The following PCDHA3 variants were observed in gnomAD, a reference collection of about 807,000 sequenced individuals.
The protein encoded by PCDHA3 is protocadherin alpha-3.
PCDHA3 carries 41 observed loss-of-function variants against 62.2 expected under a neutral mutation model. The observed-to-expected ratio is 0.66, with a 90% CI of 0.51 to 0.86. The LOEUF (loss-of-function observed/expected upper bound fraction) is 0.86, where lower values mean the gene tolerates loss of function less well. Ranked by LOEUF, PCDHA3 falls within the 40% of genes least tolerant of loss-of-function variation. The probability of loss-of-function intolerance (pLI) is 0.00; values close to 1 mark genes in which losing one functional copy is unlikely to be tolerated. For missense variants in PCDHA3, 1,304 were observed against 1,241.2 expected (o/e 1.05, Z -0.76); for synonymous variants, 640 against 555.4 (o/e 1.15, Z -2.14).
At chr5:140,939,243 T>C (rs1414943094) in intron 1 of PCDHA3, among the ~76,000 whole-genome samples, 1 of 152,168 alleles carries the variant, frequency 6.6e-6, no homozygotes, top group Non-Finnish European at 1.5e-5. Context: ...AGGAGCAAGG[T>C]AGCTCTCTGG....
At chr5:140,860,453 G>A (rs1444199849) in intron 1 of PCDHA3, 5 of 152,018 alleles carry the variant, frequency 3.3e-5, no homozygotes, top group African/African-American at 1.2e-4. Flanking sequence ...ATTAATTCAC[G>A]TGATAATACA....
chr5:140,842,491 G>GC, intron 1 of PCDHA3: 1 of 1,613,896 alleles, frequency 6.2e-7, no homozygotes, highest in African/African-American at 1.3e-5. Flanking sequence ...GCTCCCTGAT[G>GC]CCCCATGTCC....
intron 3 of PCDHA3, among the ~76,000 whole-genome samples, chr5:140,994,117 G>A (rs889813029): frequency 2.6e-5 from 4 of 152,198 alleles, no homozygotes; most frequent in Admixed American, 6.5e-5. Flanking sequence ...ATTGTCATGT[G>A]ATAAGGGCGA....
chr5:140,871,467 G>A (rs782618131), intron 1 of PCDHA3: 18 of 1,602,610 alleles, frequency 1.1e-5, no homozygotes, highest in Non-Finnish European at 1.3e-5. Context: ...GGGAAAGACA[G>A]GAGCCAGGGT....
intron 1 of PCDHA3, chr5:140,830,318 A>G: frequency 6.2e-7 from 1 of 1,613,956 alleles, no homozygotes; most frequent in Non-Finnish European, 8.5e-7. Context: ...GGTGTGCTCC[A>G]GCGCAGTGGG....
At chr5:140,924,646 G>A (rs2081930568) in intron 1 of PCDHA3, among the ~76,000 whole-genome samples, 1 of 152,122 alleles carries the variant, frequency 6.6e-6, no homozygotes, top group Non-Finnish European at 1.5e-5. Context: ...TGTAATCCCA[G>A]CACTTTGGGA....
chr5:141,009,736 G>T lies in PCDHA3; in HGVS notation c.2652G>T (p.Leu884Phe). 1 of 1,614,086 alleles carries T rather than the reference G, an allele frequency of 6.2e-7. No homozygotes were observed. Among genetic ancestry groups the T allele is most frequent in the East Asian group, 2.2e-5 (1 of 44,872 alleles). Residue 884 changes from leucine to phenylalanine, a missense_variant, in exon 4 of 4, where the codon TTG becomes TTT. Leu to Phe is a conservative substitution (Grantham distance 22). Transcript: ENST00000522353. ...GNPKQSGPGE[L>F]PDKFIIPGSP... ...CCAAACAATCCGGTCCCGGTGAGTT[G>T]CCCGACAAATTCATTATCCCAGGAT...
intron 1 of PCDHA3, chr5:140,871,449 G>A: frequency 6.2e-7 from 1 of 1,608,762 alleles, no homozygotes; most frequent in Non-Finnish European, 8.5e-7. Context: ...TGAATAAAGA[G>A]GAGGAAGGGG....
chr5:140,988,363 C>T (rs782342714), intron 3 of PCDHA3, among the ~76,000 whole-genome samples: 25 of 152,132 alleles, frequency 1.6e-4, no homozygotes, highest in Admixed American at 4.6e-4. Context: ...CTTTTACTTT[C>T]TGGGGTTGTG....
intron 1 of PCDHA3, among the ~76,000 whole-genome samples, chr5:140,907,552 C>A (rs576974083): frequency 1.4e-4 from 21 of 152,278 alleles, no homozygotes; most frequent in Admixed American, 1.3e-3. Flanking sequence ...GGAAGAGGTC[C>A]AATATAATCA....
intron 1 of PCDHA3, chr5:140,866,292 A>T (rs1453745216): frequency 6.6e-6 from 1 of 152,182 alleles, no homozygotes; most frequent in East Asian, 1.9e-4. Flanking sequence ...TGGGACAAGT[A>T]TAGATGTTGA....
chr5:140,926,311 G>C (rs2030500500), intron 1 of PCDHA3: 1 of 152,272 alleles, frequency 6.6e-6, no homozygotes, highest in South Asian at 2.1e-4. Flanking sequence ...CTCCGCCGGA[G>C]AGGTGCGCCG....
chr5:140,829,848 G>T, intron 1 of PCDHA3: 1 of 1,613,962 alleles, frequency 6.2e-7, no homozygotes, highest in Non-Finnish European at 8.5e-7. Flanking sequence ...CGGTCACTGG[G>T]TGCAGGCCAA....
chr5:140,917,294 G>A (rs1369973116), intron 1 of PCDHA3, among the ~76,000 whole-genome samples: 2 of 143,498 alleles, frequency 1.4e-5, no homozygotes, highest in Non-Finnish European at 3.0e-5. Flanking sequence ...TCCGTGTGCA[G>A]ATAGTTGTTA....
intron 1 of PCDHA3, chr5:140,867,034 G>C (rs1398561687): frequency 6.6e-6 from 1 of 152,106 alleles, no homozygotes; most frequent in Non-Finnish European, 1.5e-5. Context: ...ACTCTTTTAT[G>C]ACTTGGCGTT....
chr5:140,985,716 A>G (rs960879186), intron 3 of PCDHA3, among the ~76,000 whole-genome samples: 7 of 113,758 alleles, frequency 6.2e-5, no homozygotes, highest in Admixed American at 2.6e-4. Flanking sequence ...TCTTAAAGTT[A>G]TTTTTCCTTC....
intron 1 of PCDHA3, among the ~76,000 whole-genome samples, chr5:140,818,657 G>A (rs1192707521): frequency 1.3e-5 from 2 of 152,138 alleles, no homozygotes; most frequent in Non-Finnish European, 2.9e-5. Flanking sequence ...AGCAATATAG[G>A]GAGACTCCAT....
At chr5:140,837,576 C>G (rs568317651) in intron 1 of PCDHA3, among the ~76,000 whole-genome samples, 3 of 151,836 alleles carry the variant, frequency 2.0e-5, no homozygotes, top group Non-Finnish European at 4.4e-5. Context: ...TTACAATCAC[C>G]AAATTGTAAA....
At chr5:140,998,118 G>A (rs545818682) in intron 3 of PCDHA3, among the ~76,000 whole-genome samples, 5 of 152,282 alleles carry the variant, frequency 3.3e-5, no homozygotes, top group Admixed American at 1.3e-4. Flanking sequence ...AAATTTACTT[G>A]TGAATCATAA....
Sources: gnomAD v4.1 joint callset for allele counts (sites outside exome capture counted in the v4.1 genomes callset) on GRCh38, gnomAD v4.1.1 for gene constraint, MANE v1.5 for transcripts, NCBI Gene and HGNC (gene_info 2026-07-23, HGNC 2026-07-21) for gene names.